The following WDFY3 variants were observed in gnomAD, a reference collection of about 807,000 sequenced individuals.
WDFY3 encodes WD repeat and FYVE domain containing 3.
In WDFY3, 66 loss-of-function variants were observed where a neutral mutation model predicts 409.6. The ratio of observed to expected loss-of-function variants is 0.16; its 90% CI spans 0.13 to 0.20. The LOEUF (loss-of-function observed/expected upper bound fraction) is 0.20, where lower values mean the gene tolerates loss of function less well. Among genes scored for constraint, WDFY3 ranks in the 10% least tolerant of loss-of-function variants. The pLI is 1.00. For synonymous variants in WDFY3, 1,521 were observed against 1,537.1 expected (o/e 0.99, Z 0.25); for missense variants, 3,031 against 4,298.1 (o/e 0.71, Z 8.24).
At chr4:84,886,375 T>C (rs1049439836) in intron 3 of WDFY3, 1 of 146,616 alleles carries the variant, frequency 6.8e-6, no homozygotes, top group African/African-American at 2.5e-5. Flanking sequence ...TTATTTCTTC[T>C]TTTTTTTTTT....
chr4:84,918,823 A>ATATATATC (rs1768861016), intron 2 of WDFY3, among the ~76,000 whole-genome samples: 1 of 134,898 alleles, frequency 7.4e-6, no homozygotes, highest in African/African-American at 2.7e-5. Context: ...GTGTATATAT[A>ATATATATC]TATAGATATA....
rs922728506 is a variant in WDFY3 at position 84,766,365 on chromosome 4, T to C, written c.4857A>G (p.Glu1619=). 1 of 1,585,574 alleles carries C rather than the reference T, an allele frequency of 6.3e-7. No homozygotes were observed. The highest frequency in any genetic ancestry group is 2.0e-5 in the Admixed American group (1 of 50,718). The change falls in exon 31 of 68, where the codon GAA becomes GAG. Residue 1619 remains glutamate (E), a synonymous_variant. Transcript: ENST00000295888. ...CTGATACAAGACCTCCAAACTCCTC[T>C]TCAGTTCCTAAAATAAAAATAAATA... is the stretch of plus-strand genomic sequence containing the variant. The part of the protein sequence containing the change: ...NNEEKLDTGT[E]EEFGGLVSAN...
intron 1 of WDFY3, among the ~76,000 whole-genome samples, chr4:84,934,148 G>A (rs1168754038): frequency 2.6e-5 from 4 of 151,974 alleles, no homozygotes; most frequent in East Asian, 1.9e-4. Flanking sequence ...AACAGTGTAC[G>A]AGGGTTCCCT....
chr4:84,843,635 G>A (rs529511208), intron 5 of WDFY3, among the ~76,000 whole-genome samples: 1 of 152,240 alleles, frequency 6.6e-6, no homozygotes, highest in East Asian at 1.9e-4. Flanking sequence ...CTGAATTCAA[G>A]TGATCCTCCT....
chr4:84,848,879 CT>C (rs1428991195), intron 5 of WDFY3, among the ~76,000 whole-genome samples: 5 of 152,108 alleles, frequency 3.3e-5, no homozygotes, highest in Non-Finnish European at 7.4e-5. Flanking sequence ...AATACATTTC[CT>C]TTTCTATAAT....
At chr4:84,917,826 A>G (rs1768708672) in intron 2 of WDFY3, among the ~76,000 whole-genome samples, 1 of 152,162 alleles carries the variant, frequency 6.6e-6, no homozygotes, top group Non-Finnish European at 1.5e-5. Flanking sequence ...AGATAAAGAA[A>G]TAATATTCCC....
At chr4:84,839,792 A>G (rs1360512921) in intron 6 of WDFY3, among the ~76,000 whole-genome samples, 1 of 151,984 alleles carries the variant, frequency 6.6e-6, no homozygotes, top group African/African-American at 2.4e-5. Flanking sequence ...TGGGAGGCGG[A>G]GGTTGCAGTG....
chr4:84,706,802 C>T (rs957661404), intron 53 of WDFY3, among the ~76,000 whole-genome samples: 2 of 151,962 alleles, frequency 1.3e-5, no homozygotes, highest in Non-Finnish European at 2.9e-5. Flanking sequence ...GGGTGCCCCA[C>T]GATAGCAGTT....
intron 3 of WDFY3, among the ~76,000 whole-genome samples, chr4:84,877,441 A>C (rs1291776230): frequency 6.6e-6 from 1 of 151,930 alleles, no homozygotes; most frequent in East Asian, 1.9e-4. Flanking sequence ...TCAAACCATC[A>C]TCCCACCTCA....
chr4:84,891,086 G>A (rs368967722), intron 3 of WDFY3, among the ~76,000 whole-genome samples: 35 of 152,254 alleles, frequency 2.3e-4, no homozygotes, highest in African/African-American at 7.5e-4. Context: ...TTGCCCGCAG[G>A]CCATAGTTTG....
At position 84,713,267 on chromosome 4, in the gene WDFY3, A is replaced by G. The variant is rs192804034; in HGVS notation, c.7962-28T>C. The stretch of plus-strand genomic sequence containing the variant: ...GAAAAATTTAAAATAGCGTAAAATT[A>G]CAAGTGAAGTCTCAGTCAGGATCTA... On this transcript the variant is annotated intron_variant, in intron 50 of 67. Transcript: ENST00000295888. The G allele has an allele frequency of 5.6e-4, 891 of 1,593,326 alleles. 6 individuals are homozygous for G. The African/African-American group carries it at 0.011, about 20-fold the overall frequency.
At chr4:84,907,641 G>A (rs982973900) in intron 2 of WDFY3, among the ~76,000 whole-genome samples, 1 of 152,154 alleles carries the variant, frequency 6.6e-6, no homozygotes, top group African/African-American at 2.4e-5. Flanking sequence ...CAGACACTGT[G>A]AGATAATAAA....
At chr4:84,810,408 T>C (rs1752303234) in intron 13 of WDFY3, 64 bp from the exon 14 acceptor site, 1 of 1,111,620 alleles carries the variant, frequency 9.0e-7, no homozygotes, top group Admixed American at 2.9e-5. Context: ...AAAAAACCAC[T>C]ATGCATGTAT....
At chr4:84,715,568 A>T (rs1209847232) in intron 49 of WDFY3, among the ~76,000 whole-genome samples, 185 bp from the exon 50 acceptor site, 1 of 152,056 alleles carries the variant, frequency 6.6e-6, no homozygotes, top group African/African-American at 2.4e-5. Context: ...AGGTCAGGAG[A>T]TCGAGACCAT....
At chr4:84,889,217 G>A (rs1764622537) in intron 3 of WDFY3, among the ~76,000 whole-genome samples, 3 of 152,050 alleles carry the variant, frequency 2.0e-5, no homozygotes, top group Admixed American at 6.6e-5. Context: ...TCCCTCCAGT[G>A]AATATTGTGC....
Position 84,946,462 on chromosome 4 carries a change from T to G in WDFY3, c.-225-14099A>C, listed in dbSNP as rs192045393. 1.3e-4 allele frequency among the ~76,000 whole-genome samples: 20 copies of G among 152,310 alleles called. No homozygotes were observed. In the East Asian group the frequency reaches 2.3e-3, roughly 18 times the overall value. ...GAACCAGGAGGCAGCATGATATCAC[T>G]CAGAGTCAGTAGCCCTATGGCACTG... On this transcript the variant is annotated intron_variant, in intron 1 of 67. Coordinates refer to ENST00000295888, the MANE Select transcript of WDFY3 (RefSeq NM_014991.6).
chr4:84,905,590 A>C (rs1405974711), intron 2 of WDFY3, among the ~76,000 whole-genome samples: 1 of 152,160 alleles, frequency 6.6e-6, no homozygotes, highest in Non-Finnish European at 1.5e-5. Flanking sequence ...TAATGGTCTT[A>C]TTATTTTCCT....
At chr4:84,950,639 A>T (rs1028894882) in intron 1 of WDFY3, among the ~76,000 whole-genome samples, 11 of 151,944 alleles carry the variant, frequency 7.2e-5, no homozygotes, top group Non-Finnish European at 1.3e-4. Context: ...AAATACAAAA[A>T]CTTAGCCTGG....
chr4:84,803,134 G>GT, intron 16 of WDFY3, 156 bp downstream of exon 16: 1 of 722,520 alleles, frequency 1.4e-6, no homozygotes. Context: ...ATCATGAAAG[G>GT]TAACACTCAA....
Sources: allele counts gnomAD v4.1 joint callset (sites outside exome capture counted in the v4.1 genomes callset), GRCh38; gene constraint gnomAD v4.1.1; transcripts MANE v1.5; gene names NCBI Gene and HGNC (gene_info 2026-07-23, HGNC 2026-07-21).